ATRNL1: variants seen among roughly 807,000 people sequenced by gnomAD.
The protein encoded by ATRNL1 is attractin like 1, also known as attractin-like protein 1.
ATRNL1 carries 95 observed loss-of-function variants against 182.7 expected under a neutral mutation model. The ratio of observed to expected loss-of-function variants is 0.52; its 90% CI spans 0.44 to 0.62. The LOEUF is 0.62. Ranked by LOEUF, ATRNL1 falls within the 20% of genes least tolerant of loss-of-function variation. The probability of loss-of-function intolerance (pLI) is 0.00; values close to 1 mark genes in which losing one functional copy is unlikely to be tolerated. For missense variants in ATRNL1, 1,471 were observed against 1,679.5 expected (o/e 0.88, Z 2.17); for synonymous variants, 576 against 568.3 (o/e 1.01, Z -0.19).
In ATRNL1 at chr10:115,945,004, G is replaced by A; in HGVS notation, c.*225G>A. 1 of 352,572 alleles carries A rather than the reference G, an allele frequency of 2.8e-6. No homozygotes were observed. Among genetic ancestry groups the A allele is most frequent in the Admixed American group, 4.7e-5 (1 of 21,338 alleles). 21.8% of individuals were successfully genotyped at this position (352,572 alleles called of 1,614,324 possible). A position where few individuals can be genotyped will look rare whatever the true frequency, so the allele number is the denominator to read the frequency against. ...AAAGTCAGTTTTTACCACTATCTTA[G>A]GCTTATTATAGCTAACATTAAATTA... On this transcript the variant is annotated 3_prime_UTR_variant, in exon 29 of 29. Coordinates refer to ENST00000355044, the MANE Select transcript of ATRNL1 (RefSeq NM_207303.4).
At chr10:115,391,039 T>C (rs1253126795) in intron 19 of ATRNL1, among the ~76,000 whole-genome samples, 4 of 152,204 alleles carry the variant, frequency 2.6e-5, no homozygotes, top group African/African-American at 4.8e-5. Flanking sequence ...TTCTAACATA[T>C]TTTTGGGGGA....
rs1953927272 is a variant in ATRNL1 at position 115,948,665 on chromosome 10, A to T, written c.*3886A>T. 1 of 152,260 alleles carries T rather than the reference A, an allele frequency of 6.6e-6. No homozygotes were observed. The highest frequency in any genetic ancestry group is 2.4e-5 in the African/African-American group (1 of 41,468). 9.4% of individuals were successfully genotyped at this position (152,260 alleles called of 1,614,324 possible). ...AAAGTGCTGCCTTTAATCGACCATT[A>T]GAGGGAGTTCTCTAAATAACAAAGT... On this transcript the variant is annotated 3_prime_UTR_variant, in exon 29 of 29. Transcript: ENST00000355044.
intron 27 of ATRNL1, among the ~76,000 whole-genome samples, chr10:115,736,793 C>T (rs11598238): frequency 0.95 from 143,927 of 151,962 alleles, 68,638 homozygotes; most frequent in East Asian, 1. Context: ...TTTGAGACGG[C>T]GTCTTGCTCT....
chr10:115,713,618 TAC>T (rs61297314), intron 26 of ATRNL1, among the ~76,000 whole-genome samples: 92,484 of 151,662 alleles, frequency 0.61, 28,827 homozygotes, highest in African/African-American at 0.68. Context: ...TTTATATATA[TAC>T]ACACACACAC....
At chr10:115,196,709 C>G (rs115817560) in intron 8 of ATRNL1, among the ~76,000 whole-genome samples, 44 of 151,954 alleles carry the variant, frequency 2.9e-4, no homozygotes, top group Admixed American at 2.8e-3. Context: ...AAATTTATAA[C>G]AGCTGATTGC....
intron 17 of ATRNL1, among the ~76,000 whole-genome samples, chr10:115,305,080 G>A (rs1391553145): frequency 6.6e-6 from 1 of 151,556 alleles, no homozygotes; most frequent in African/African-American, 2.4e-5. Flanking sequence ...GCCTGTAAGT[G>A]TATGGCCCTT....
chr10:115,416,898 A>AGGGAGAGT (rs1174322609), intron 20 of ATRNL1, among the ~76,000 whole-genome samples: 1 of 152,150 alleles, frequency 6.6e-6, no homozygotes, highest in East Asian at 1.9e-4. Flanking sequence ...AAAACACTTG[A>AGGGAGAGT]GGGAGAGTGA....
chr10:115,552,072 T>C (rs1171188351), intron 26 of ATRNL1, among the ~76,000 whole-genome samples: 1 of 151,428 alleles, frequency 6.6e-6, no homozygotes, highest in Non-Finnish European at 1.5e-5. Flanking sequence ...TATATAGGGC[T>C]TAGTAGTATC....
chr10:115,500,377 A>T (rs987981798), intron 24 of ATRNL1, among the ~76,000 whole-genome samples: 9 of 152,164 alleles, frequency 5.9e-5, no homozygotes, highest in African/African-American at 2.2e-4. Flanking sequence ...AACCTTAGAA[A>T]ATAATAAAAA....
chr10:115,321,367 G>A (rs557797898), intron 18 of ATRNL1, among the ~76,000 whole-genome samples: 13 of 152,220 alleles, frequency 8.5e-5, no homozygotes, highest in African/African-American at 3.1e-4. Context: ...TGATATGTGA[G>A]GGCTTATTTA....
At chr10:115,480,676 G>T (rs1385163831) in intron 24 of ATRNL1, among the ~76,000 whole-genome samples, 1 of 150,972 alleles carries the variant, frequency 6.6e-6, no homozygotes, top group Non-Finnish European at 1.5e-5. Flanking sequence ...GCTATGATAG[G>T]TACAAATGTT....
At chr10:115,251,676 A>G (rs1554905406) in intron 10 of ATRNL1, among the ~76,000 whole-genome samples, 1 of 152,168 alleles carries the variant, frequency 6.6e-6, no homozygotes, top group East Asian at 1.9e-4. Context: ...GTTTTCTGGC[A>G]TCACATAGTG....
intron 24 of ATRNL1, among the ~76,000 whole-genome samples, chr10:115,481,567 A>C (rs1354680658): frequency 6.6e-6 from 1 of 150,852 alleles, no homozygotes; most frequent in Non-Finnish European, 1.5e-5. Flanking sequence ...GAATTGAGAT[A>C]TGAGACTGGT....
chr10:115,658,250 C>T (rs560140100), intron 26 of ATRNL1, among the ~76,000 whole-genome samples: 15 of 151,702 alleles, frequency 9.9e-5, no homozygotes, highest in African/African-American at 3.4e-4. Flanking sequence ...CACCTGCCAC[C>T]ATGCCTGGCT....
intron 5 of ATRNL1, among the ~76,000 whole-genome samples, chr10:115,154,641 G>C (rs1034510647): frequency 6.6e-6 from 1 of 152,026 alleles, no homozygotes; most frequent in Admixed American, 6.6e-5. Context: ...CATTTTATGT[G>C]CTGATGAGAA....
At chr10:115,140,902 C>T (rs1845730422) in intron 5 of ATRNL1, among the ~76,000 whole-genome samples, 1 of 152,130 alleles carries the variant, frequency 6.6e-6, no homozygotes, top group Non-Finnish European at 1.5e-5. Context: ...TGCTCTTTGT[C>T]CTTCACTATC....
intron 21 of ATRNL1, among the ~76,000 whole-genome samples, chr10:115,441,563 T>A (rs983637947): frequency 2.2e-4 from 34 of 151,990 alleles, no homozygotes; most frequent in Non-Finnish European, 5.0e-4. Context: ...CCCATAGTTT[T>A]AAGAAGCATC....
At chr10:115,627,763 A>G (rs1035481156) in intron 26 of ATRNL1, among the ~76,000 whole-genome samples, 5 of 152,182 alleles carry the variant, frequency 3.3e-5, no homozygotes, top group African/African-American at 4.8e-5. Flanking sequence ...TGCTGCTAAG[A>G]ACACGAGTGT....
intron 26 of ATRNL1, among the ~76,000 whole-genome samples, chr10:115,688,910 C>T (rs919783682): frequency 2.0e-5 from 3 of 151,972 alleles, no homozygotes; most frequent in African/African-American, 7.3e-5. Flanking sequence ...TATGTTTCTT[C>T]TAGTAGTTTT....
Sources: allele counts gnomAD v4.1 joint callset (sites outside exome capture counted in the v4.1 genomes callset), GRCh38; gene constraint gnomAD v4.1.1; transcripts MANE v1.5; gene names NCBI Gene and HGNC (gene_info 2026-07-23, HGNC 2026-07-21).